The following PTPRD variants were observed in gnomAD, a reference collection of about 807,000 sequenced individuals.
PTPRD encodes the protein protein tyrosine phosphatase receptor type D.
In PTPRD, 34 loss-of-function variants were observed where a neutral mutation model predicts 214.5. The observed-to-expected ratio is 0.16, with a 90% CI of 0.12 to 0.21. The LOEUF (loss-of-function observed/expected upper bound fraction) is 0.21, where lower values mean the gene tolerates loss of function less well. Among genes scored for constraint, PTPRD ranks in the 10% least tolerant of loss-of-function variants. PTPRD has a pLI of 1.00. For missense variants in PTPRD, 2,545 were observed against 2,398.7 expected (o/e 1.06, Z -1.27); for synonymous variants, 1,128 against 845.7 (o/e 1.33, Z -5.79).
intron 8 of PTPRD, among the ~76,000 whole-genome samples, chr9:9,524,779 T>C (rs1176709537): frequency 6.6e-6 from 1 of 152,228 alleles, no homozygotes; most frequent in Non-Finnish European, 1.5e-5. Flanking sequence ...AGGCTGTGCA[T>C]AGAACTTGAA....
chr9:10,327,701 AT>A (rs1003243556), intron 3 of PTPRD, among the ~76,000 whole-genome samples: 2 of 151,496 alleles, frequency 1.3e-5, no homozygotes, highest in African/African-American at 4.8e-5. Context: ...ATTTGAAACT[AT>A]TTTTTTTCCA....
chr9:9,351,713 T>C (rs560345463), intron 9 of PTPRD, among the ~76,000 whole-genome samples: 17 of 152,164 alleles, frequency 1.1e-4, no homozygotes, highest in Admixed American at 5.9e-4. Flanking sequence ...CATATTGTCT[T>C]AAAACATATT....
At chr9:8,632,740 G>C (rs993396988) in intron 14 of PTPRD, among the ~76,000 whole-genome samples, 6 of 151,986 alleles carry the variant, frequency 3.9e-5, no homozygotes, top group African/African-American at 1.4e-4. Context: ...AAGCAACATT[G>C]TTGGAGACAA....
chr9:9,580,164 T>G (rs898999147), intron 7 of PTPRD, among the ~76,000 whole-genome samples: 4 of 152,064 alleles, frequency 2.6e-5, no homozygotes, highest in Admixed American at 6.6e-5. Context: ...AGAACTGCAA[T>G]AAACATATGA....
At chr9:8,862,661 T>C (rs2098127361) in intron 11 of PTPRD, among the ~76,000 whole-genome samples, 1 of 152,242 alleles carries the variant, frequency 6.6e-6, no homozygotes, top group Non-Finnish European at 1.5e-5. Context: ...TGTGCAATCA[T>C]TTATGCTTTC....
intron 11 of PTPRD, among the ~76,000 whole-genome samples, chr9:8,785,242 GA>G (rs1173772991): frequency 2.0e-5 from 3 of 151,972 alleles, no homozygotes; most frequent in African/African-American, 4.8e-5. Flanking sequence ...AATAACAGGG[GA>G]AAAAAACACT....
At chr9:9,350,831 A>G (rs1185901107) in intron 9 of PTPRD, among the ~76,000 whole-genome samples, 2 of 152,110 alleles carry the variant, frequency 1.3e-5, no homozygotes, top group African/African-American at 4.8e-5. Flanking sequence ...AAAGTAGTAA[A>G]AGGAAAATAT....
intron 2 of PTPRD, among the ~76,000 whole-genome samples, chr9:10,404,045 T>C (rs188350607): frequency 6.6e-6 from 1 of 151,842 alleles, no homozygotes; most frequent in East Asian, 2.0e-4. Flanking sequence ...TCCACCACTC[T>C]GGTGGAGGAT....
chr9:10,215,002 G>A (rs1466013280), intron 3 of PTPRD, among the ~76,000 whole-genome samples: 1 of 151,960 alleles, frequency 6.6e-6, no homozygotes, highest in African/African-American at 2.4e-5. Context: ...TCGGACAGGT[G>A]GAATCTTACA....
chr9:9,287,862 G>A (rs1595202923), intron 9 of PTPRD, among the ~76,000 whole-genome samples: 1 of 151,784 alleles, frequency 6.6e-6, no homozygotes, highest in Non-Finnish European at 1.5e-5. Flanking sequence ...TTAAGAAGGT[G>A]CAAACATACC....
At chr9:9,431,490 G>C (rs2083103520) in intron 8 of PTPRD, among the ~76,000 whole-genome samples, 1 of 152,136 alleles carries the variant, frequency 6.6e-6, no homozygotes, top group Admixed American at 6.5e-5. Flanking sequence ...GTGGAAGACA[G>C]TGTGGCAATT....
rs1338414665 is a variant in PTPRD, at chr9:9,731,268, T to C, written c.-287+3265A>G. The stretch of plus-strand genomic sequence containing the variant: ...GGAATCTAAGTTTGCATATTATCAT[T>C]TGTATTTCAATAGTACTCTGGTTTT... On this transcript the variant is annotated intron_variant, in intron 7 of 45. Coordinates refer to ENST00000381196, the MANE Select transcript of PTPRD (RefSeq NM_002839.4). Among the ~76,000 whole-genome samples the C allele has an allele frequency of 2.6e-5, 4 of 152,152 alleles. No individual in the cohort carries two copies. The East Asian group carries it at 5.8e-4, about 22-fold the overall frequency.
At chr9:9,043,566 G>C (rs12003416) in intron 10 of PTPRD, among the ~76,000 whole-genome samples, 5,464 of 152,152 alleles carry the variant, frequency 0.036, 150 homozygotes, top group African/African-American at 0.067. Flanking sequence ...AAAGAAAAAT[G>C]GTCTGACTTT....
chr9:9,069,450 G>C (rs138956618), intron 10 of PTPRD, among the ~76,000 whole-genome samples: 2 of 152,062 alleles, frequency 1.3e-5, no homozygotes, highest in African/African-American at 4.8e-5. Flanking sequence ...TTAAGAAATG[G>C]GATTAAAGTG....
intron 31 of PTPRD, among the ~76,000 whole-genome samples, chr9:8,469,031 A>T (rs1029694212): frequency 6.6e-6 from 1 of 152,016 alleles, no homozygotes; most frequent in African/African-American, 2.4e-5. Flanking sequence ...GGTCTCAATT[A>T]TATCAGTAAG....
chr9:9,525,639 A>G (rs2073947713), intron 8 of PTPRD, among the ~76,000 whole-genome samples: 1 of 152,100 alleles, frequency 6.6e-6, no homozygotes, highest in Non-Finnish European at 1.5e-5. Flanking sequence ...TGATTAAATC[A>G]TAGGTTAATC....
chr9:9,308,623 C>G (rs1040712887), intron 9 of PTPRD, among the ~76,000 whole-genome samples: 4 of 152,032 alleles, frequency 2.6e-5, no homozygotes, highest in African/African-American at 9.7e-5. Flanking sequence ...CTATCTTAGC[C>G]TTATCAATGG....
At chr9:9,413,546 T>C (rs1409112207) in intron 8 of PTPRD, among the ~76,000 whole-genome samples, 1 of 152,238 alleles carries the variant, frequency 6.6e-6, no homozygotes, top group Non-Finnish European at 1.5e-5. Flanking sequence ...TAAAGGCTTA[T>C]TCATCATTAT....
At chr9:10,593,716 T>C (rs1260138279) in intron 2 of PTPRD, among the ~76,000 whole-genome samples, 1 of 151,990 alleles carries the variant, frequency 6.6e-6, no homozygotes, top group African/African-American at 2.4e-5. Flanking sequence ...TTTTTTATCT[T>C]GATCCAGAGA....
Sources: allele counts gnomAD v4.1 joint callset (sites outside exome capture counted in the v4.1 genomes callset), GRCh38; gene constraint gnomAD v4.1.1; transcripts MANE v1.5; gene names NCBI Gene and HGNC (gene_info 2026-07-23, HGNC 2026-07-21).